Variants in BAIAP2L1 observed in about 807,000 individuals in gnomAD.
BAIAP2L1 encodes BAR/IMD domain containing adaptor protein 2 like 1, also known as BAR/IMD domain-containing adapter protein 2-like 1.
In BAIAP2L1, 35 loss-of-function variants were observed where a neutral mutation model predicts 66.3. That is an observed-to-expected ratio of 0.53 (90% CI 0.40 to 0.70). BAIAP2L1 has a LOEUF of 0.70. BAIAP2L1 is among the 30% of genes least tolerant of loss of function. The pLI, the probability that BAIAP2L1 is intolerant of heterozygous loss-of-function variation, is 0.00. For synonymous variants in BAIAP2L1, 269 were observed against 248.7 expected, an observed-to-expected ratio of 1.08 and a Z score of -0.77; for missense variants, 622 against 656.9, an observed-to-expected ratio of 0.95 and a Z score of 0.58.
rs776877376 is a variant in BAIAP2L1 at position 98,308,253 on chromosome 7, G to A, written c.956-357C>T. The A allele has an allele frequency of 1.4e-5, 7 of 484,078 alleles. No homozygotes were observed. The East Asian group carries it at 3.1e-4, about 21-fold the overall frequency. 30.0% of individuals were successfully genotyped at this position (484,078 alleles called of 1,614,324 possible). A position where few individuals can be genotyped will look rare whatever the true frequency, so the allele number is the denominator to read the frequency against. On this transcript the variant is annotated intron_variant, in intron 9 of 13. Transcript: ENST00000005260. ...ACCGCTCCAACGCCAAACTGCCCTCGCAATTCCAATCGCAAAGGCAGGCTA... is the reference window on the plus strand; with the variant it reads ...ACCGCTCCAACGCCAAACTGCCCTCACAATTCCAATCGCAAAGGCAGGCTA...
At chr7:98,357,060 T>A (rs1225986651) in intron 2 of BAIAP2L1, among the ~76,000 whole-genome samples, 7 of 102,826 alleles carry the variant, frequency 6.8e-5, no homozygotes, top group African/African-American at 2.4e-4. Context: ...TTTTTTTTTT[T>A]TTTTTTTTAA....
intron 3 of BAIAP2L1, among the ~76,000 whole-genome samples, chr7:98,337,626 T>G (rs1431370088): frequency 6.6e-6 from 1 of 152,246 alleles, no homozygotes; most frequent in African/African-American, 2.4e-5. Flanking sequence ...GGTTTCATAG[T>G]TGGGTATGTG....
chr7:98,382,397 G>A lies in BAIAP2L1; in HGVS notation c.51+18405C>T, dbSNP rs1802780172. Among the ~76,000 whole-genome samples the A allele has an allele frequency of 2.0e-5, 3 of 152,240 alleles. 1 individual carries two copies. Among genetic ancestry groups the A allele is most frequent in the Admixed American group, 2.0e-4 (3 of 15,290 alleles). ...ACAGTGGCTCACGCCTGTAATCCCA[G>A]CACTTTGGGAAGCCAAGGCAGGAGG... On this transcript the variant is annotated intron_variant, in intron 1 of 13. Transcript: ENST00000005260.
chr7:98,328,482 G>A (rs758131427), intron 3 of BAIAP2L1, among the ~76,000 whole-genome samples: 1 of 151,956 alleles, frequency 6.6e-6, no homozygotes, highest in Non-Finnish European at 1.5e-5. Context: ...CACAGGCTTC[G>A]GTGGGTACTG....
At chr7:98,296,565 G>T (rs1054684580) in intron 12 of BAIAP2L1, among the ~76,000 whole-genome samples, 2 of 152,118 alleles carry the variant, frequency 1.3e-5, no homozygotes, top group Non-Finnish European at 2.9e-5. Context: ...CAGAGGTTGT[G>T]GTGAGCTGAG....
chr7:98,297,784 G>A (rs74336901), intron 12 of BAIAP2L1, among the ~76,000 whole-genome samples: 155 of 152,360 alleles, frequency 1.0e-3, no homozygotes, highest in African/African-American at 3.3e-3. Flanking sequence ...CTGCACCGGG[G>A]GCACTGGCGG....
In BAIAP2L1 at chr7:98,382,730, C is replaced by T. The variant is rs184173018; in HGVS notation, c.51+18072G>A. On this transcript the variant is annotated intron_variant, in intron 1 of 13. Transcript: ENST00000005260. ...ATTAGCAAGCTATCAAACTTTGGAA[C>T]AATGTCTCGTCCACACCGGCCTCCA... Among the ~76,000 whole-genome samples the T allele has an allele frequency of 3.5e-3, 536 of 152,252 alleles. 1 individual carries two copies. The highest frequency in any genetic ancestry group is 4.9e-3 in the Non-Finnish European group (335 of 68,018).
rs186797170 is a variant in BAIAP2L1, at chr7:98,298,322, A to C, written c.1423-4211T>G. On this transcript the variant is annotated intron_variant, in intron 12 of 13. Coordinates refer to ENST00000005260, the MANE Select transcript of BAIAP2L1 (RefSeq NM_018842.5). ...ACCATGTATAAAAATGCTTTTAAAA[A>C]ACATTAGGGGCTGGGTGCGGTGGCT... is the stretch of plus-strand genomic sequence containing the variant. Among the ~76,000 whole-genome samples the C allele has an allele frequency of 1.3e-3, 195 of 151,994 alleles. 1 individual carries two copies. The highest frequency in any genetic ancestry group is 2.2e-3 in the Non-Finnish European group (147 of 67,950).
intron 12 of BAIAP2L1, among the ~76,000 whole-genome samples, chr7:98,297,105 G>A (rs895795563): frequency 1.3e-5 from 2 of 152,234 alleles, no homozygotes; most frequent in African/African-American, 2.4e-5. Flanking sequence ...CAGCCACTAC[G>A]AGAGTGGTTG....
chr7:98,363,934 C>T (rs1161372356), intron 1 of BAIAP2L1, among the ~76,000 whole-genome samples: 1 of 152,200 alleles, frequency 6.6e-6, no homozygotes, highest in African/African-American at 2.4e-5. Context: ...CATGCCTCGA[C>T]CTTTCCATAG....
chr7:98,311,928 A>G (rs1243172966), intron 8 of BAIAP2L1, among the ~76,000 whole-genome samples, 169 bp downstream of exon 8: 4 of 152,142 alleles, frequency 2.6e-5, no homozygotes, highest in Admixed American at 2.0e-4. Context: ...CAAAAAACAA[A>G]CATGTGCCCA....
chr7:98,362,873 C>T (rs1266639675), intron 1 of BAIAP2L1, among the ~76,000 whole-genome samples: 2 of 152,052 alleles, frequency 1.3e-5, no homozygotes, highest in African/African-American at 4.8e-5. Context: ...TTTCTATCCA[C>T]TGAATAGAAA....
chr7:98,310,741 CAGT>C (rs927847217), intron 8 of BAIAP2L1, 149 bp from the exon 9 acceptor site: 147 of 610,006 alleles, frequency 2.4e-4, no homozygotes, highest in Non-Finnish European at 3.4e-4. Flanking sequence ...GGCTGGAGTA[CAGT>C]GGCACGATCT....
chr7:98,321,851 C>G (rs1801256443), intron 3 of BAIAP2L1, among the ~76,000 whole-genome samples: 1 of 152,128 alleles, frequency 6.6e-6, no homozygotes, highest in South Asian at 2.1e-4. Flanking sequence ...CATCCTAGCA[C>G]TTTTGGGAGG....
chr7:98,342,450 T>C lies in BAIAP2L1; in HGVS notation c.214+12592A>G, dbSNP rs925469531. On this transcript the variant is annotated intron_variant, in intron 3 of 13. Coordinates refer to ENST00000005260, the MANE Select transcript of BAIAP2L1 (RefSeq NM_018842.5). The stretch of plus-strand genomic sequence containing the variant: ...AAATCTATAATGTAGTTTTTAAAAA[T>C]TGCATGATCCATAAGCATTCTATCA... Among the ~76,000 whole-genome samples the C allele has an allele frequency of 5.9e-5, 9 of 152,216 alleles. No homozygotes were observed. The East Asian group carries it at 9.6e-4, about 16-fold the overall frequency.
chr7:98,308,212 C>G, intron 9 of BAIAP2L1: 1 of 535,160 alleles, frequency 1.9e-6, no homozygotes, highest in Non-Finnish European at 3.6e-6. Flanking sequence ...CAGGATGGCT[C>G]TTCTTAGAGA....
chr7:98,351,280 C>T (rs1801993830), intron 3 of BAIAP2L1, among the ~76,000 whole-genome samples: 1 of 152,218 alleles, frequency 6.6e-6, no homozygotes, highest in African/African-American at 2.4e-5. Flanking sequence ...ACACCCAGAG[C>T]ACCGCTAACA....
At chr7:98,322,845 C>A in intron 3 of BAIAP2L1, 1 of 152,424 alleles carries the variant, frequency 6.6e-6, no homozygotes, top group Non-Finnish European at 1.5e-5. Flanking sequence ...CATGTCGCTC[C>A]CCTGCTCCCG....
intron 12 of BAIAP2L1, among the ~76,000 whole-genome samples, chr7:98,299,927 G>C (rs1335612257): frequency 6.6e-6 from 1 of 152,148 alleles, no homozygotes; most frequent in Non-Finnish European, 1.5e-5. Flanking sequence ...TGTAGTCCCA[G>C]CTACTTAGGA....
Sources: gnomAD v4.1 joint callset for allele counts (sites outside exome capture counted in the v4.1 genomes callset) on GRCh38, gnomAD v4.1.1 for gene constraint, MANE v1.5 for transcripts, NCBI Gene and HGNC (gene_info 2026-07-23, HGNC 2026-07-21) for gene names.